FAM240C: variants seen among roughly 807,000 people sequenced by gnomAD.
FAM240C encodes protein FAM240C.
A neutral mutation model predicts 10.0 loss-of-function variants in FAM240C; 14 were observed. That is an observed-to-expected ratio of 1.40 (90% CI 0.92 to 2.19). The LOEUF is 2.19. FAM240C is among the 30% of genes most tolerant of loss of function. The pLI is 0.00. For missense variants in FAM240C, 154 were observed against 122.3 expected (o/e 1.26, Z -1.22); for synonymous variants, 49 against 44.3 (o/e 1.11, Z -0.42).
chr2:241,901,395 T>C (rs1030156845), upstream of FAM240C, among the ~76,000 whole-genome samples: 5 of 152,320 alleles, frequency 3.3e-5, no homozygotes, highest in South Asian at 2.1e-4. The surrounding 1 kb of genome is among the most constrained non-coding windows in gnomAD (Gnocchi z 4.9). Flanking sequence ...TCATTGATAG[T>C]TTCAGGTGAA....
At chr2:241,898,685 G>C (rs140920187) in intron 1 of FAM240C, among the ~76,000 whole-genome samples, 82 of 152,362 alleles carry the variant, frequency 5.4e-4, no homozygotes, top group Admixed American at 3.9e-4. Flanking sequence ...GCTCTCCCTG[G>C]GACGCGTGGA....
chr2:241,901,316 G>A (rs888045381), upstream of FAM240C, among the ~76,000 whole-genome samples: 1 of 152,164 alleles, frequency 6.6e-6, no homozygotes, highest in Non-Finnish European at 1.5e-5. The surrounding 1 kb of genome is among the most constrained non-coding windows in gnomAD (Gnocchi z 4.9). Context: ...AGCAGGGCCG[G>A]CCCAGGGCCA....
rs1214663615 is a variant in FAM240C, at chr2:241,894,476, G to C, written c.162-137C>G. 5 of 866,820 alleles carry C rather than the reference G, an allele frequency of 5.8e-6. No individual in the cohort carries two copies. In the African/African-American group the frequency reaches 7.0e-5, roughly 12 times the overall value. 53.7% of individuals were successfully genotyped at this position (866,820 alleles called of 1,614,324 possible). ...CCCTGCCAGGGGTGGGGGTGTCACC[G>C]CATCCCTGCCCAGCCAGCAGCTGTG... On this transcript the variant is annotated intron_variant, in intron 2 of 2. Coordinates refer to ENST00000404031, the MANE Select transcript of FAM240C (RefSeq NM_001382368.1).
chr2:241,898,245 T>C (rs1701899529), intron 1 of FAM240C, among the ~76,000 whole-genome samples: 1 of 152,178 alleles, frequency 6.6e-6, no homozygotes, highest in Non-Finnish European at 1.5e-5. Flanking sequence ...AGAATATCAA[T>C]CTACAGCCAT....
chr2:241,898,408 C>T (rs1170707277), intron 1 of FAM240C, among the ~76,000 whole-genome samples: 3 of 152,154 alleles, frequency 2.0e-5, no homozygotes, highest in South Asian at 2.1e-4. Flanking sequence ...AAAAATTAGC[C>T]GGGATTGGTG....
In FAM240C at chr2:241,900,226, C is replaced by T. The variant is rs372145910; in HGVS notation, c.12+132G>A. On this transcript the variant is annotated intron_variant, in intron 1 of 2. Transcript: ENST00000404031. The surrounding 1 kb of genome is among the most constrained non-coding windows in gnomAD (Gnocchi z 4.5). ...AAACAAAATTACAAAGTTCAGTTCC[C>T]CCAGCGAAATGCGGGTGGGCTCACG... The T allele has an allele frequency of 1.4e-5, 9 of 651,792 alleles. No individual in the cohort carries two copies. Among genetic ancestry groups the T allele is most frequent in the Admixed American group, 2.3e-5 (1 of 42,942 alleles). 40.4% of individuals were successfully genotyped at this position (651,792 alleles called of 1,614,324 possible).
chr2:241,898,952 C>T (rs4973667), intron 1 of FAM240C, among the ~76,000 whole-genome samples: 8,082 of 152,302 alleles, frequency 0.053, 1,032 homozygotes, highest in East Asian at 0.48. Flanking sequence ...CCTTGGGGCA[C>T]TTTGTTCTTC....
At chr2:241,897,151 TA>T in intron 2 of FAM240C, 34 bp downstream of exon 2, 2 of 1,545,718 alleles carry the variant, frequency 1.3e-6, no homozygotes, top group South Asian at 1.2e-5. Flanking sequence ...GGCTCAGGCA[TA>T]GGGGTCCCCG....
chr2:241,897,188 G>T lies in FAM240C; in HGVS notation c.159C>A (p.Asn53Lys), dbSNP rs775877329. Residue 53 changes from asparagine (N) to lysine (K), a missense_variant and splice_region_variant, in exon 2 of 3, where the codon AAC becomes AAA. Transcript: ENST00000404031. Reference sequence around the variant, plus strand: ...ATGCACTGCACACCCCGACTCACTTGTTCAGAGCGCTTCTGCGAACCCTGA... The same window carrying T: ...ATGCACTGCACACCCCGACTCACTTTTTCAGAGCGCTTCTGCGAACCCTGA... ...EDIRVRRSAL[N>K]KLRVGWAEQL... 3.9e-6 allele frequency: 6 copies of T among 1,549,598 alleles called. No individual in the cohort carries two copies. The African/African-American group carries it at 5.5e-5, about 14-fold the overall frequency.
At chr2:241,896,053 G>A (rs1701792052) in intron 2 of FAM240C, among the ~76,000 whole-genome samples, 1 of 152,134 alleles carries the variant, frequency 6.6e-6, no homozygotes, top group African/African-American at 2.4e-5. Flanking sequence ...TGGGTAGCTG[G>A]TGAGTGGGGA....
chr2:241,894,317 G>C lies in FAM240C; in HGVS notation c.184C>G (p.Gln62Glu). The C allele has an allele frequency of 6.5e-7, 1 of 1,548,270 alleles. No homozygotes were observed. Among genetic ancestry groups the C allele is most frequent in the Non-Finnish European group, 8.7e-7 (1 of 1,146,152 alleles). Residue 62 changes from glutamine to glutamate, a missense_variant, in exon 3 of 3, where the codon CAG becomes GAG. By Grantham distance (29) the Gln-to-Glu change is conservative. Coordinates refer to ENST00000404031, the MANE Select transcript of FAM240C (RefSeq NM_001382368.1). ...AGCATCTTGTTCCTCCCCTCCAGCT[G>C]CTCAGCCCATCCCACGCGGAGCCTG... ...LNKLRVGWAEQLEGRNKMLQG... is the reference protein window; with the variant it reads ...LNKLRVGWAEELEGRNKMLQG...
intron 1 of FAM240C, among the ~76,000 whole-genome samples, chr2:241,899,884 G>A (rs1445498659): frequency 2.0e-5 from 3 of 152,096 alleles, no homozygotes; most frequent in Non-Finnish European, 4.4e-5. Flanking sequence ...TGACTAACAC[G>A]GTGAAACCCC....
At chr2:241,899,923 C>T (rs556135821) in intron 1 of FAM240C, among the ~76,000 whole-genome samples, 3 of 152,166 alleles carry the variant, frequency 2.0e-5, no homozygotes, top group East Asian at 1.9e-4. Flanking sequence ...AAAAATTAGC[C>T]GGGCGTCGTG....
rs918912727 is a variant in FAM240C at position 241,897,166 on chromosome 2, C to T, written c.161+20G>A. The stretch of plus-strand genomic sequence containing the variant: ...GGCTCAGGCATAGGGGTCCCCGATG[C>T]ACTGCACACCCCGACTCACTTGTTC... On this transcript the variant is annotated intron_variant, in intron 2 of 2. Transcript: ENST00000404031. 1.1e-5 allele frequency: 17 copies of T among 1,548,464 alleles called. No homozygotes were observed. Among genetic ancestry groups the T allele is most frequent in the Non-Finnish European group, 1.5e-5 (17 of 1,146,036 alleles).
intron 1 of FAM240C, among the ~76,000 whole-genome samples, chr2:241,899,786 G>A (rs1055142789): frequency 2.0e-5 from 3 of 152,174 alleles, no homozygotes; most frequent in Admixed American, 6.5e-5. Context: ...ACAGACACGC[G>A]GCCGGGCGCG....
At chr2:241,899,221 G>A in intron 1 of FAM240C, 1 of 1,303,782 alleles carries the variant, frequency 7.7e-7, no homozygotes, top group African/African-American at 1.5e-5. Flanking sequence ...CCTGGCTGGG[G>A]GCTTCCAGCT....
chr2:241,894,331 A>C lies in FAM240C; in HGVS notation c.170T>G (p.Val57Gly). The change falls in exon 3 of 3, where the codon GTG (valine) becomes GGG (glycine). Residue 57 changes from valine (V) to glycine (G), a missense_variant. Physicochemically the swap from Val to Gly is moderately radical, Grantham distance 109. Transcript: ENST00000404031. ...CCCCTCCAGCTGCTCAGCCCATCCC[A>C]CGCGGAGCCTGGGGCAGGGCGATAA... ...VRRSALNKLR[V>G]GWAEQLEGRN... The C allele has an allele frequency of 6.5e-7, 1 of 1,544,912 alleles. No individual in the cohort carries two copies. The highest frequency in any genetic ancestry group is 8.7e-7 in the Non-Finnish European group (1 of 1,144,360).
rs1380155603 is a variant in FAM240C at position 241,900,018 on chromosome 2, G to C, written c.12+340C>G. Among the ~76,000 whole-genome samples, 1 of 152,146 alleles carries C rather than the reference G, an allele frequency of 6.6e-6. No individual in the cohort carries two copies. Among genetic ancestry groups the C allele is most frequent in the African/African-American group, 2.4e-5 (1 of 41,438 alleles). ...GGAGGCGGAGGTTGCAGTGAGCCGC[G>C]ATCATGCCACTGCACTCCAGCCTGG... is the stretch of plus-strand genomic sequence containing the variant. On this transcript the variant is annotated intron_variant, in intron 1 of 2. Transcript: ENST00000404031. The surrounding 1 kb of genome is among the most constrained non-coding windows in gnomAD (Gnocchi z 4.5).
intron 2 of FAM240C, 84 bp from the exon 3 acceptor site, chr2:241,894,423 G>A (rs1311723126): frequency 6.2e-6 from 9 of 1,440,494 alleles, no homozygotes; most frequent in Non-Finnish European, 8.4e-6. Context: ...CAGCACCTGG[G>A]CACCTGTGAG....
Sources: gnomAD v4.1 joint callset for allele counts (sites outside exome capture counted in the v4.1 genomes callset) on GRCh38, gnomAD v4.1.1 for gene constraint, Gnocchi (gnomAD v3.1) non-coding constraint, MANE v1.5 for transcripts, NCBI Gene and HGNC (gene_info 2026-07-23, HGNC 2026-07-21) for gene names.